SLC13A2: variants seen among roughly 807,000 people sequenced by gnomAD.
SLC13A2 encodes the protein Na(+)-coupled citrate transporter.
A neutral mutation model predicts 58.5 loss-of-function variants in SLC13A2; 40 were observed. The ratio of observed to expected loss-of-function variants is 0.68; its 90% CI spans 0.53 to 0.89. The LOEUF (loss-of-function observed/expected upper bound fraction) is 0.89, where lower values mean the gene tolerates loss of function less well. Among genes scored for constraint, SLC13A2 ranks in the 40% least tolerant of loss-of-function variants. The probability of loss-of-function intolerance (pLI) is 0.00; values close to 1 mark genes in which losing one functional copy is unlikely to be tolerated. For synonymous variants in SLC13A2, 341 were observed against 331.6 expected, an observed-to-expected ratio of 1.03 and a Z score of -0.31; for missense variants, 694 against 772.6, an observed-to-expected ratio of 0.90 and a Z score of 1.21.
chr17:28,476,411 AAAAC>A (rs1259929762), intron 1 of SLC13A2, among the ~76,000 whole-genome samples: 2 of 151,908 alleles, frequency 1.3e-5, no homozygotes, highest in East Asian at 1.9e-4. Flanking sequence ...TTAATTTGAA[AAAAC>A]AAACAAACAA....
intron 1 of SLC13A2, among the ~76,000 whole-genome samples, chr17:28,480,028 C>T (rs975999217): frequency 2.6e-5 from 4 of 152,164 alleles, no homozygotes; most frequent in African/African-American, 9.7e-5. Context: ...GTGGCACATG[C>T]CTGTAATCCC....
intron 6 of SLC13A2, 90 bp from the exon 7 acceptor site, chr17:28,493,481 G>T: frequency 2.8e-6 from 3 of 1,088,704 alleles, no homozygotes; most frequent in Non-Finnish European, 3.9e-6. Context: ...GCCCTCTGTG[G>T]GCCTCAGCCT....
chr17:28,478,103 A>G (rs2151444180), intron 1 of SLC13A2, among the ~76,000 whole-genome samples: 1 of 152,270 alleles, frequency 6.6e-6, no homozygotes, highest in African/African-American at 2.4e-5. Context: ...GGTTACTACT[A>G]CTATCTCCAT....
intron 9 of SLC13A2, 36 bp from the exon 10 acceptor site, chr17:28,495,619 C>A (rs769360102): frequency 2.8e-5 from 44 of 1,593,038 alleles, no homozygotes; most frequent in Non-Finnish European, 3.8e-5. Flanking sequence ...GCCCAGGCAG[C>A]CTTGCCTCTC....
chr17:28,488,475 G>T (rs532966901), intron 1 of SLC13A2, among the ~76,000 whole-genome samples: 3 of 152,316 alleles, frequency 2.0e-5, no homozygotes, highest in East Asian at 3.9e-4. Flanking sequence ...GCTCTATAAG[G>T]GGGGTGGGCC....
chr17:28,486,171 A>G (rs2068877360), intron 1 of SLC13A2, among the ~76,000 whole-genome samples: 1 of 152,224 alleles, frequency 6.6e-6, no homozygotes, highest in African/African-American at 2.4e-5. Context: ...TAAAGTTGGT[A>G]TAATAACTAC....
chr17:28,495,900 T>G (rs1597512370), intron 10 of SLC13A2, 84 bp downstream of exon 10: 1 of 1,474,548 alleles, frequency 6.8e-7, no homozygotes, highest in East Asian at 2.3e-5. Context: ...CAGAGTATCC[T>G]GTCTTTGCAC....
chr17:28,482,464 A>T (rs1434067206), intron 1 of SLC13A2, among the ~76,000 whole-genome samples: 1 of 152,150 alleles, frequency 6.6e-6, no homozygotes, highest in African/African-American at 2.4e-5. Context: ...TGCCAAGGGG[A>T]TCCTGGTACC....
At chr17:28,489,144 C>T in intron 1 of SLC13A2, 70 bp from the exon 2 acceptor site, 4 of 1,563,138 alleles carry the variant, frequency 2.6e-6, no homozygotes, top group Non-Finnish European at 3.5e-6. Context: ...GTTTGTCTGA[C>T]AGACAGGAGG....
chr17:28,482,447 A>G (rs1374046194), intron 1 of SLC13A2, among the ~76,000 whole-genome samples: 2 of 152,220 alleles, frequency 1.3e-5, no homozygotes, highest in Non-Finnish European at 2.9e-5. Context: ...GGAATGCTTC[A>G]TCAGGCTGCC....
chr17:28,491,675 G>A, intron 5 of SLC13A2, 55 bp from the exon 6 acceptor site: 1 of 1,607,662 alleles, frequency 6.2e-7, no homozygotes. Flanking sequence ...GGAGGTGAAT[G>A]GGGCTGGGCA....
Position 28,493,750 on chromosome 17 carries a change from G to T in SLC13A2, c.1058G>T (p.Gly353Val). Residue 353 changes from glycine to valine, a missense_variant, in exon 7 of 12, where the codon GGC becomes GTC. Physicochemically the swap from Gly to Val is moderately radical, Grantham distance 109 (BLOSUM62 -3). Coordinates refer to ENST00000314669, the MANE Select transcript of SLC13A2 (RefSeq NM_003984.4). Reference sequence around the variant, plus strand: ...ACCCGGGAGCCGGGCTTTTTTCTTGGCTGGGGCAATTTGGCTTTTCCCAAT... The same window carrying T: ...ACCCGGGAGCCGGGCTTTTTTCTTGTCTGGGGCAATTTGGCTTTTCCCAAT... ...WFTREPGFFL[G>V]WGNLAFPNAK... 3.1e-6 allele frequency: 5 copies of T among 1,614,150 alleles called. No homozygotes were observed. Among genetic ancestry groups the T allele is most frequent in the Non-Finnish European group, 4.2e-6 (5 of 1,180,024 alleles).
rs781801310 is a variant in SLC13A2, at chr17:28,496,489, C to T, written c.1510C>T (p.Pro504Ser). ...CCTCCACCCTCTCTACGTCATGCTC[C>T]CCTGCACTCTGGCCACCTCCCTGGC... ...ICLHPLYVML[P>S]CTLATSLAFM... Residue 504 changes from proline to serine, a missense_variant, in exon 11 of 12, where the codon CCC (proline) becomes TCC (serine). Pro to Ser is a moderately conservative substitution (Grantham distance 74, BLOSUM62 -1). Coordinates refer to ENST00000314669, the MANE Select transcript of SLC13A2 (RefSeq NM_003984.4). This position sits in a 1 kb window ranked among gnomAD's most constrained non-coding sequence, Gnocchi z 4.2. 4 of 1,613,378 alleles carry T rather than the reference C, an allele frequency of 2.5e-6. No homozygotes were observed. The South Asian group carries it at 3.3e-5, about 13-fold the overall frequency.
chr17:28,477,484 A>G (rs144355384), intron 1 of SLC13A2, among the ~76,000 whole-genome samples: 3,770 of 112,942 alleles, frequency 0.033, 108 homozygotes, highest in African/African-American at 0.072. Context: ...GTGAGCCACC[A>G]TGCCCGGCCA....
In SLC13A2 at chr17:28,493,734, C is replaced by G. The variant is rs782168035; in HGVS notation, c.1042C>G (p.Pro348Ala). 1 of 1,614,208 alleles carries G rather than the reference C, an allele frequency of 6.2e-7. No homozygotes were observed. Among genetic ancestry groups the G allele is most frequent in the East Asian group, 2.2e-5 (1 of 44,886 alleles). The stretch of plus-strand genomic sequence containing the variant: ...GGTGCTGCTCTGGTTCACCCGGGAG[C>G]CGGGCTTTTTTCTTGGCTGGGGCAA... ...ILVLLWFTRE[P>A]GFFLGWGNLA... Residue 348 changes from proline to alanine, a missense_variant, in exon 7 of 12, where the codon CCG becomes GCG. Transcript: ENST00000314669.
intron 1 of SLC13A2, among the ~76,000 whole-genome samples, chr17:28,480,147 C>A (rs535096865): frequency 1.4e-5 from 2 of 139,434 alleles, no homozygotes; most frequent in Admixed American, 7.3e-5. Context: ...GAGTGAGACT[C>A]TGTCTCAAAA....
chr17:28,484,498 G>A (rs1362902041), intron 1 of SLC13A2, among the ~76,000 whole-genome samples: 2 of 152,128 alleles, frequency 1.3e-5, no homozygotes, highest in Non-Finnish European at 2.9e-5. Flanking sequence ...TAAGACATGA[G>A]GCACAGACCA....
chr17:28,490,279 A>T, intron 2 of SLC13A2, 175 bp from the exon 3 acceptor site: 1 of 1,565,432 alleles, frequency 6.4e-7, no homozygotes, highest in East Asian at 2.3e-5. Context: ...GTCTCCAAAA[A>T]GTTAAATTTA....
In SLC13A2 at chr17:28,494,994, C is replaced by T. The variant is rs1567860344; in HGVS notation, c.1308+482C>T. Among the ~76,000 whole-genome samples, 3 of 152,268 alleles carry T rather than the reference C, an allele frequency of 2.0e-5. No homozygotes were observed. Among genetic ancestry groups the T allele is most frequent in the Admixed American group, 1.3e-4 (2 of 15,300 alleles). ...CCCTGACACGGCATCCCTGGGCCTCCGTGTTCTGGCTCAAACAGAAGGTGG... is the reference window on the plus strand; with the variant it reads ...CCCTGACACGGCATCCCTGGGCCTCTGTGTTCTGGCTCAAACAGAAGGTGG... On this transcript the variant is annotated intron_variant, in intron 9 of 11. Transcript: ENST00000314669. The surrounding 1 kb of genome is among the most constrained non-coding windows in gnomAD (Gnocchi z 4.0).
Sources: allele counts gnomAD v4.1 joint callset (sites outside exome capture counted in the v4.1 genomes callset), GRCh38; gene constraint gnomAD v4.1.1; non-coding constraint Gnocchi (gnomAD v3.1); transcripts MANE v1.5; gene names NCBI Gene and HGNC (gene_info 2026-07-23, HGNC 2026-07-21).